Variants in KIF24 observed in about 807,000 individuals in gnomAD.
KIF24 encodes the protein kinesin-like protein KIF24.
KIF24 carries 81 observed loss-of-function variants against 118.9 expected under a neutral mutation model. The observed-to-expected ratio is 0.68, with a 90% CI of 0.57 to 0.82. The LOEUF (loss-of-function observed/expected upper bound fraction) is 0.82. Among genes scored for constraint, KIF24 ranks in the 40% least tolerant of loss-of-function variants. The pLI, the probability that KIF24 is intolerant of heterozygous loss-of-function variation, is 0.00. For synonymous variants in KIF24, 599 were observed against 610.0 expected, an observed-to-expected ratio of 0.98 and a Z score of 0.27; for missense variants, 1,560 against 1,661.6, an observed-to-expected ratio of 0.94 and a Z score of 1.06.
rs913466241 is a variant in KIF24 at position 34,290,183 on chromosome 9, C to G, written c.1118G>C (p.Arg373Thr). The part of the protein sequence containing the change: ...YCGQLYDLLN[R>T]RKRLFAREDS... ...CACTCATATTCAGTACCTTTTTCTT[C>G]TATTTAGGAGGTCATAAAGCTGTCC... Residue 373 changes from arginine to threonine, a missense_variant, in exon 5 of 13, where the codon AGA becomes ACA. By Grantham distance (71) the Arg-to-Thr change is moderately conservative (BLOSUM62 -1). Around this residue, in one of 3 missense-constraint regions of KIF24, gnomAD observed 964 missense variants for 988.0 expected, o/e 0.98. Coordinates refer to ENST00000402558, the MANE Select transcript of KIF24 (RefSeq NM_194313.4). 5 of 1,610,432 alleles carry G rather than the reference C, an allele frequency of 3.1e-6. No individual in the cohort carries two copies. In the African/African-American group the frequency reaches 6.7e-5, roughly 22 times the overall value.
In KIF24 at chr9:34,290,308, TC is replaced by T. The variant is rs747644823; in HGVS notation, c.992del (p.Gly331AspfsTer5). 6.2e-7 allele frequency: 1 copy of T among 1,613,922 alleles called. No homozygotes were observed. Among genetic ancestry groups the T allele is most frequent in the Non-Finnish European group, 8.5e-7 (1 of 1,179,830 alleles). On this transcript the variant is annotated frameshift_variant, in exon 5 of 13. Coordinates refer to ENST00000402558, the MANE Select transcript of KIF24 (RefSeq NM_194313.4). LOFTEE classifies it high-confidence loss of function. ...YTMIGTHENP[G>X]LYALAAKDIF... ...TATCTTTGGCAGCTAGAGCATACAATCCTGGGTTCTCATGAGTTCCTATCAT... is the reference window on the plus strand; with the variant it reads ...TATCTTTGGCAGCTAGAGCATACAATCTGGGTTCTCATGAGTTCCTATCAT...
intron 7 of KIF24, among the ~76,000 whole-genome samples, chr9:34,269,833 T>C (rs772668031): frequency 5.9e-5 from 9 of 152,170 alleles, no homozygotes; most frequent in Non-Finnish European, 1.3e-4. Context: ...CTCACACCTA[T>C]AAACCCAGCT....
At position 34,290,241 on chromosome 9, in the gene KIF24, AGAGGTGC is replaced by A; in HGVS notation, c.1053_1059del (p.Lys351AsnfsTer19). On this transcript the variant is annotated frameshift_variant, in exon 5 of 13. Coordinates refer to ENST00000402558, the MANE Select transcript of KIF24 (RefSeq NM_194313.4). LOFTEE classifies it high-confidence loss of function. ...ATTTCATAGAAGCTGATCCACACAA[AGAGGTGC>A]TTTCTTGGCTGGGACACTTCTAGTT... is the stretch of plus-strand genomic sequence containing the variant. The A allele has an allele frequency of 6.2e-7, 1 of 1,613,940 alleles. No individual in the cohort carries two copies. The highest frequency in any genetic ancestry group is 1.1e-5 in the South Asian group (1 of 91,072).
chr9:34,313,982 T>G (rs1837257189), intron 1 of KIF24, among the ~76,000 whole-genome samples: 1 of 150,834 alleles, frequency 6.6e-6, no homozygotes, highest in African/African-American at 2.4e-5. Context: ...CTCAAACCCC[T>G]GGGGCTCAAG....
chr9:34,262,712 A>ATATATATATATATATATATG (rs1278590736), intron 9 of KIF24, among the ~76,000 whole-genome samples: 5 of 50,262 alleles, frequency 9.9e-5, no homozygotes, highest in African/African-American at 3.1e-4. Flanking sequence ...ATATATATAT[A>ATATATATATATATATATATG]TGGCCAGGCA....
At chr9:34,263,237 C>T (rs1276985087) in intron 8 of KIF24, 65 bp from the exon 9 acceptor site, 29 of 1,142,316 alleles carry the variant, frequency 2.5e-5, no homozygotes, top group Admixed American at 5.6e-5. Context: ...GACCTGATGC[C>T]GCCTCCACAG....
intron 6 of KIF24, 45 bp downstream of exon 6, chr9:34,286,572 C>A: frequency 1.5e-6 from 2 of 1,362,834 alleles, no homozygotes; most frequent in South Asian, 2.3e-5. Context: ...GTTCCCTGTA[C>A]TTACACTGTT....
intron 4 of KIF24, among the ~76,000 whole-genome samples, chr9:34,293,477 C>CAA (rs35730248): frequency 0.5 from 61,004 of 121,684 alleles, 17,703 homozygotes; most frequent in Non-Finnish European, 0.65. Flanking sequence ...GACTCTATCT[C>CAA]AAAAAAAAAA....
intron 1 of KIF24, among the ~76,000 whole-genome samples, chr9:34,323,213 C>A (rs1460104718): frequency 6.6e-6 from 1 of 152,042 alleles, no homozygotes; most frequent in Non-Finnish European, 1.5e-5. Context: ...AAATTATATC[C>A]ATTTTTAAAA....
chr9:34,310,799 T>A lies in KIF24; in HGVS notation c.548A>T (p.Asp183Val), dbSNP rs537675124. Residue 183 changes from aspartate (D) to valine (V), a missense_variant, in exon 2 of 13, where the codon GAT becomes GTT. Asp to Val is a radical substitution (Grantham distance 152, BLOSUM62 -3). This residue lies in a region of KIF24 where 964 missense variants were observed against 988.0 expected (regional missense o/e 0.98). Transcript: ENST00000402558. ...TCTTTGAATAATGGGAATATCACAA[T>A]CCCCCAGTATTGCAGAAAGGTAATT... Reference protein sequence around the residue: ...SPNYLSAILGDCDIPIIQRIS... With the variant: ...SPNYLSAILGVCDIPIIQRIS... 3 of 1,612,382 alleles carry A rather than the reference T, an allele frequency of 1.9e-6. No individual in the cohort carries two copies. The Admixed American group carries it at 5.0e-5, about 27-fold the overall frequency.
At chr9:34,315,460 G>C (rs986656226) in intron 1 of KIF24, among the ~76,000 whole-genome samples, 5 of 151,974 alleles carry the variant, frequency 3.3e-5, no homozygotes, top group African/African-American at 1.2e-4. Flanking sequence ...TATTTGACTA[G>C]ATTAATACCT....
intron 1 of KIF24, among the ~76,000 whole-genome samples, chr9:34,316,193 C>CA (rs1837323284): frequency 6.6e-6 from 1 of 151,816 alleles, no homozygotes; most frequent in Non-Finnish European, 1.5e-5. Context: ...ACTAAAAATA[C>CA]AAAAATTAGC....
intron 8 of KIF24, among the ~76,000 whole-genome samples, 195 bp downstream of exon 8, chr9:34,269,062 G>A (rs1835401208): frequency 6.6e-6 from 1 of 152,194 alleles, no homozygotes; most frequent in South Asian, 2.1e-4. Flanking sequence ...AGAAGGCAAG[G>A]AGAGAAGAAA....
chr9:34,319,606 C>T, intron 1 of KIF24: 2 of 912,342 alleles, frequency 2.2e-6, no homozygotes, highest in Non-Finnish European at 3.6e-6. Flanking sequence ...CTGCTGTTCA[C>T]TGGGCACCTG....
chr9:34,292,130 T>C (rs1836276378), intron 4 of KIF24, among the ~76,000 whole-genome samples: 1 of 152,188 alleles, frequency 6.6e-6, no homozygotes, highest in Admixed American at 6.5e-5. Context: ...ATTTGATGCT[T>C]CCTCTGCCCT....
intron 1 of KIF24, among the ~76,000 whole-genome samples, chr9:34,328,261 G>A (rs757508475): frequency 2.5e-4 from 38 of 152,174 alleles, no homozygotes; most frequent in Non-Finnish European, 3.2e-4. Flanking sequence ...GTACAAAGAA[G>A]ATGCTTTAAA....
intron 3 of KIF24, among the ~76,000 whole-genome samples, chr9:34,297,381 A>G (rs954493046): frequency 1.3e-5 from 2 of 152,216 alleles, no homozygotes; most frequent in African/African-American, 4.8e-5. Flanking sequence ...CACAAGAGTG[A>G]GTCAATCCTC....
At position 34,253,621 on chromosome 9, in the gene KIF24, C is replaced by T. The variant is rs1563929376; in HGVS notation, c.*759G>A. On this transcript the variant is annotated 3_prime_UTR_variant, in exon 13 of 13. Transcript: ENST00000402558. ...TAGGAGCCAGGAGCTGCCATGGAAG[C>T]ATGAGAGTATCGGGCATTGTACAGA... 1 of 152,232 alleles carries T rather than the reference C, an allele frequency of 6.6e-6. No homozygotes were observed. Among genetic ancestry groups the T allele is most frequent in the Non-Finnish European group, 1.5e-5 (1 of 68,144 alleles). 9.4% of individuals were successfully genotyped at this position (152,232 alleles called of 1,614,324 possible). A position where few individuals can be genotyped will look rare whatever the true frequency, so the allele number is the denominator to read the frequency against.
In KIF24 at chr9:34,256,403, CGAGG is replaced by C. The variant is rs1834843726; in HGVS notation, c.3200_3203del (p.Pro1067ArgfsTer13). 7 of 1,613,930 alleles carry C rather than the reference CGAGG, an allele frequency of 4.3e-6. 1 individual carries two copies. Among genetic ancestry groups the C allele is most frequent in the South Asian group, 1.1e-5 (1 of 91,078 alleles). ...TAGCCCCATCCTGGACCAGCTGCTC[CGAGG>C]GAGGAGACCCTTCGTTGTCTGGGTT... On this transcript the variant is annotated frameshift_variant, in exon 11 of 13. Transcript: ENST00000402558. LOFTEE classifies it high-confidence loss of function.
Sources: gnomAD v4.1 joint callset for allele counts (sites outside exome capture counted in the v4.1 genomes callset) on GRCh38, gnomAD v4.1.1 for gene constraint, gnomAD v4.1.1 regional missense constraint, MANE v1.5 for transcripts, NCBI Gene and HGNC (gene_info 2026-07-23, HGNC 2026-07-21) for gene names.